The following PRUNE2 variants were observed in gnomAD, a reference collection of about 807,000 sequenced individuals.
PRUNE2 encodes prune homolog 2 with BCH domain.
In PRUNE2, 164 loss-of-function variants were observed where a neutral mutation model predicts 252.0. That is an observed-to-expected ratio of 0.65 (90% CI 0.57 to 0.74). The LOEUF is 0.74. Ranked by LOEUF, PRUNE2 falls within the 30% of genes least tolerant of loss-of-function variation. PRUNE2 has a pLI of 0.00. For missense variants in PRUNE2, 3,495 were observed against 3,711.0 expected (o/e 0.94, Z 1.51); for synonymous variants, 1,292 against 1,350.2 (o/e 0.96, Z 0.94).
At chr9:76,833,918 G>A (rs1333465065) in intron 4 of PRUNE2, among the ~76,000 whole-genome samples, 1 of 147,434 alleles carries the variant, frequency 6.8e-6, no homozygotes, top group African/African-American at 2.5e-5. Context: ...GTCTTGCTTG[G>A]TCGCCCAGGC....
chr9:76,762,866 G>A (rs1044472511), intron 6 of PRUNE2, among the ~76,000 whole-genome samples: 2 of 152,172 alleles, frequency 1.3e-5, no homozygotes, highest in Non-Finnish European at 2.9e-5. Context: ...TAAATCCCAG[G>A]CAGAGCAATC....
At chr9:76,754,684 C>T (rs554899931) in intron 6 of PRUNE2, among the ~76,000 whole-genome samples, 7 of 152,050 alleles carry the variant, frequency 4.6e-5, no homozygotes, top group African/African-American at 1.4e-4. Flanking sequence ...TATATCCTTC[C>T]GGCCAGGCAT....
chr9:76,708,236 G>A lies in PRUNE2; in HGVS notation c.4038C>T (p.Ala1346=), dbSNP rs374941248. The change falls in exon 8 of 19, where the codon GCC becomes GCT. Residue 1346 remains alanine, a synonymous_variant. Coordinates refer to ENST00000376718, the MANE Select transcript of PRUNE2 (RefSeq NM_015225.3). ...TCCCTGAGGCATTCTCCACACCAGA[G>A]GCGATCACCTCCTCTTCATCAAGGT... ...RGHLDEEEVI[A]SGVENASGIS... 9.9e-6 allele frequency: 16 copies of A among 1,613,776 alleles called. No individual in the cohort carries two copies. Among genetic ancestry groups the A allele is most frequent in the African/African-American group, 1.3e-5 (1 of 74,894 alleles).
intron 5 of PRUNE2, among the ~76,000 whole-genome samples, chr9:76,824,877 T>A (rs574280819): frequency 6.6e-6 from 1 of 152,360 alleles, no homozygotes; most frequent in Admixed American, 6.5e-5. Context: ...GTAAAATGAT[T>A]CATTGAAGAC....
intron 9 of PRUNE2, among the ~76,000 whole-genome samples, chr9:76,659,078 C>T (rs987560747): frequency 1.3e-5 from 2 of 152,182 alleles, no homozygotes; most frequent in East Asian, 1.9e-4. Context: ...TGGAGGGGCT[C>T]GGCCAGGCTG....
intron 9 of PRUNE2, chr9:76,692,180 T>C (rs2044828256): frequency 1.4e-6 from 1 of 717,298 alleles, no homozygotes; most frequent in Non-Finnish European, 2.6e-6. Context: ...CAGATTCGCC[T>C]CCATTTTCTG....
chr9:76,677,929 T>C (rs987815241), intron 9 of PRUNE2, among the ~76,000 whole-genome samples: 3 of 152,060 alleles, frequency 2.0e-5, no homozygotes, highest in Non-Finnish European at 4.4e-5. Flanking sequence ...TTCCAAACCA[T>C]CCTGGGGCGA....
intron 6 of PRUNE2, among the ~76,000 whole-genome samples, chr9:76,799,894 C>G (rs2131548484): frequency 6.6e-6 from 1 of 152,144 alleles, no homozygotes; most frequent in Non-Finnish European, 1.5e-5. Flanking sequence ...AGGCTTAGAC[C>G]ACCTACCCAT....
chr9:76,860,837 A>G (rs956835601), intron 1 of PRUNE2, among the ~76,000 whole-genome samples: 2 of 152,182 alleles, frequency 1.3e-5, no homozygotes, highest in African/African-American at 4.8e-5. Flanking sequence ...AAAACCAGAA[A>G]GAAGGTGGCC....
chr9:76,687,708 C>T (rs888069592), intron 9 of PRUNE2: 20 of 294,680 alleles, frequency 6.8e-5, no homozygotes, highest in African/African-American at 2.9e-4. Context: ...GTGTTAGCCT[C>T]GGGGGAGGCT....
At chr9:76,718,578 G>A (rs544626353) in intron 6 of PRUNE2, among the ~76,000 whole-genome samples, 2 of 152,124 alleles carry the variant, frequency 1.3e-5, no homozygotes, top group South Asian at 2.1e-4. Flanking sequence ...GTTTTTCTCC[G>A]GATTCACCGA....
At chr9:76,813,304 G>A (rs2057476874) in intron 6 of PRUNE2, among the ~76,000 whole-genome samples, 1 of 152,212 alleles carries the variant, frequency 6.6e-6, no homozygotes, top group Non-Finnish European at 1.5e-5. Context: ...TCAAATAGTT[G>A]TTAAGTTCCT....
At chr9:76,885,167 C>T (rs962806185) in intron 1 of PRUNE2, among the ~76,000 whole-genome samples, 4 of 152,206 alleles carry the variant, frequency 2.6e-5, no homozygotes, top group Non-Finnish European at 5.9e-5. Flanking sequence ...GATAGATGAA[C>T]TCCAAAGCAG....
chr9:76,648,694 A>T (rs1845947590), intron 11 of PRUNE2, among the ~76,000 whole-genome samples: 1 of 152,182 alleles, frequency 6.6e-6, no homozygotes, highest in African/African-American at 2.4e-5. Context: ...GAATTAAGGC[A>T]GAAAAACGAT....
chr9:76,711,179 C>T lies in PRUNE2; in HGVS notation c.1095G>A (p.Arg365=). Residue 365 remains arginine, a synonymous_variant, in exon 8 of 19, where the codon CGG becomes CGA. Transcript: ENST00000376718. ...RRCPEMVSNS[R]TSSTEAVAGS... ...CTGCCACGGCTTCTGTTGAGGATGTCCGGCTATTGGAGACCATCTCTGGAC... is the reference window on the plus strand; with the variant it reads ...CTGCCACGGCTTCTGTTGAGGATGTTCGGCTATTGGAGACCATCTCTGGAC... 2 of 1,613,938 alleles carry T rather than the reference C, an allele frequency of 1.2e-6. No homozygotes were observed. Among genetic ancestry groups the T allele is most frequent in the Non-Finnish European group, 1.7e-6 (2 of 1,179,874 alleles).
intron 9 of PRUNE2, among the ~76,000 whole-genome samples, chr9:76,669,613 C>T (rs570082375): frequency 5.9e-5 from 9 of 152,328 alleles, no homozygotes; most frequent in Non-Finnish European, 1.2e-4. Flanking sequence ...AGCCGCCATG[C>T]CCAGCCTCGA....
rs138011914 is a variant in PRUNE2, at chr9:76,748,333, C to T, written c.757-34612G>A. 2.0e-3 allele frequency among the ~76,000 whole-genome samples: 302 copies of T among 152,232 alleles called. 1 individual carries two copies. The highest frequency in any genetic ancestry group is 7.0e-3 in the African/African-American group (290 of 41,538). ...AGAATACAAAGCTGAAGACAAGGTC[C>T]CTGCCTGCTAAGACCCTCAGATTGT... On this transcript the variant is annotated intron_variant, in intron 6 of 18. Transcript: ENST00000376718.
chr9:76,628,142 GAAC>G (rs1195861120), intron 16 of PRUNE2, among the ~76,000 whole-genome samples: 2 of 151,870 alleles, frequency 1.3e-5, no homozygotes, highest in Non-Finnish European at 2.9e-5. Flanking sequence ...CAGATACAGT[GAAC>G]AACAACAAAA....
In PRUNE2 at chr9:76,850,523, T is replaced by C. The variant is rs757870575; in HGVS notation, c.284A>G (p.His95Arg). 7.4e-6 allele frequency: 12 copies of C among 1,614,114 alleles called. No homozygotes were observed. Among genetic ancestry groups the C allele is most frequent in the Non-Finnish European group, 1.0e-5 (12 of 1,179,960 alleles). ...FHIFRDEINL[H>R]QLNDEGKLSI... ...TAACTTCCCTTCATCATTTAGCTGA[T>C]GCAGGTTAATTTCATCCCGGAATAT... is the stretch of plus-strand genomic sequence containing the variant. The change falls in exon 3 of 19, where the codon CAT (histidine) becomes CGT (arginine). Residue 95 changes from histidine to arginine, a missense_variant. Coordinates refer to ENST00000376718, the MANE Select transcript of PRUNE2 (RefSeq NM_015225.3).
Sources: allele counts gnomAD v4.1 joint callset (sites outside exome capture counted in the v4.1 genomes callset), GRCh38; gene constraint gnomAD v4.1.1; transcripts MANE v1.5; gene names NCBI Gene and HGNC (gene_info 2026-07-23, HGNC 2026-07-21).